PCDH15: variants seen among roughly 807,000 people sequenced by gnomAD.
PCDH15 encodes the protein protocadherin-15.
In PCDH15, 129 loss-of-function variants were observed where a neutral mutation model predicts 178.5. The observed-to-expected ratio is 0.72, with a 90% CI of 0.63 to 0.84. The LOEUF (loss-of-function observed/expected upper bound fraction) is 0.84, where lower values mean the gene tolerates loss of function less well. PCDH15 is among the 40% of genes least tolerant of loss of function. The pLI, the probability that PCDH15 is intolerant of heterozygous loss-of-function variation, is 0.00. For missense variants in PCDH15, 2,230 were observed against 2,099.9 expected, an observed-to-expected ratio of 1.06 and a Z score of -1.21; for synonymous variants, 800 against 732.0, an observed-to-expected ratio of 1.09 and a Z score of -1.50.
At position 53,811,728 on chromosome 10, in the gene PCDH15, A is replaced by G. The variant is rs1033379273; in HGVS notation, c.4492-109T>C. ...CCATGATTCTCAAAACATTCCTGCC[A>G]AAATAACTTTAAATACAAGTGTCAG... On this transcript the variant is annotated intron_variant, in intron 35 of 37. Coordinates refer to ENST00000644397, the MANE Select transcript of PCDH15 (RefSeq NM_001384140.1). The G allele has an allele frequency of 5.1e-6, 3 of 589,436 alleles. No individual in the cohort carries two copies. In the Admixed American group the frequency reaches 1.1e-4, roughly 21 times the overall value. 36.5% of individuals were successfully genotyped at this position (589,436 alleles called of 1,614,324 possible).
At chr10:55,551,124 A>G (rs1589132606) in intron 2 of PCDH15, among the ~76,000 whole-genome samples, 1 of 152,062 alleles carries the variant, frequency 6.6e-6, no homozygotes, top group African/African-American at 2.4e-5. Flanking sequence ...TTGTTAATAC[A>G]TAAGAGAATT....
chr10:55,598,669 A>G (rs529266635), intron 2 of PCDH15, among the ~76,000 whole-genome samples: 1 of 151,160 alleles, frequency 6.6e-6, no homozygotes, highest in African/African-American at 2.4e-5. Flanking sequence ...ACCTTCATGA[A>G]ATCTAAATGT....
intron 3 of PCDH15, among the ~76,000 whole-genome samples, chr10:54,439,722 C>T (rs949075656): frequency 6.0e-5 from 9 of 150,384 alleles, no homozygotes; most frequent in African/African-American, 2.2e-4. Context: ...ATCTTTTTGC[C>T]CAGCAAAAAA....
intron 3 of PCDH15, among the ~76,000 whole-genome samples, chr10:54,843,089 G>T (rs1591735886): frequency 6.6e-6 from 1 of 152,012 alleles, no homozygotes; most frequent in Admixed American, 6.6e-5. Flanking sequence ...ATGTAATACT[G>T]AGAGCATACC....
At chr10:55,020,899 C>T (rs1421897397) in intron 2 of PCDH15, among the ~76,000 whole-genome samples, 2 of 152,178 alleles carry the variant, frequency 1.3e-5, no homozygotes, top group Admixed American at 1.3e-4. Flanking sequence ...TCTGACTGTA[C>T]CCCTTGCCCT....
intron 8 of PCDH15, among the ~76,000 whole-genome samples, chr10:54,290,508 G>A (rs570054088): frequency 1.3e-5 from 2 of 151,992 alleles, no homozygotes; most frequent in Admixed American, 6.6e-5. Flanking sequence ...AATAACCAGC[G>A]AACATCATAA....
chr10:53,969,752 C>T (rs912573714), intron 21 of PCDH15, among the ~76,000 whole-genome samples: 2 of 152,102 alleles, frequency 1.3e-5, no homozygotes, highest in Non-Finnish European at 2.9e-5. Context: ...CATATCCAGC[C>T]AAACTAAGCT....
At chr10:54,716,842 C>T in intron 1 of PCDH15, among the ~76,000 whole-genome samples, 1 of 148,842 alleles carries the variant, frequency 6.7e-6, no homozygotes. Flanking sequence ...AGGCATCACG[C>T]TACCTGACTT....
intron 2 of PCDH15, among the ~76,000 whole-genome samples, chr10:55,159,787 T>G (rs1367394523): frequency 6.8e-6 from 1 of 148,142 alleles, no homozygotes; most frequent in African/African-American, 2.4e-5. Flanking sequence ...TATTAAGAGA[T>G]ATATATAAAG....
chr10:55,596,841 TATG>T (rs1564472793), intron 2 of PCDH15, among the ~76,000 whole-genome samples: 1 of 152,070 alleles, frequency 6.6e-6, no homozygotes, highest in Non-Finnish European at 1.5e-5. Context: ...ATCTTTTAAC[TATG>T]ATAATACAGG....
intron 18 of PCDH15, among the ~76,000 whole-genome samples, chr10:54,061,192 C>T (rs2094006084): frequency 6.6e-6 from 1 of 152,102 alleles, no homozygotes; most frequent in Admixed American, 6.5e-5. Context: ...AGTATGAGGC[C>T]TCTAGTAAGA....
chr10:55,134,391 A>C (rs1304571214), intron 2 of PCDH15, among the ~76,000 whole-genome samples: 1 of 152,186 alleles, frequency 6.6e-6, no homozygotes, highest in African/African-American at 2.4e-5. Context: ...TTCAGATCCC[A>C]CATAGCCTCA....
intron 8 of PCDH15, among the ~76,000 whole-genome samples, chr10:54,237,242 T>C (rs917862104): frequency 6.6e-6 from 1 of 152,222 alleles, no homozygotes; most frequent in South Asian, 2.1e-4. Context: ...ACAAAAGAAA[T>C]AGCAGCCTAT....
In PCDH15 at chr10:53,995,749, G is replaced by A. The variant is rs191577774; in HGVS notation, c.2768C>T (p.Pro923Leu). 339 of 1,613,586 alleles carry A rather than the reference G, an allele frequency of 2.1e-4. 5 individuals carry two copies. The East Asian group carries it at 7.4e-3, about 35-fold the overall frequency. ...GTATATTCGTTTACTAAAGACAGGA[G>A]GATAATCATTCATATCCTGTAAAAC... The part of the protein sequence containing the change: ...TVIVKDMNDY[P>L]PVFSKRIYKG... Residue 923 changes from proline (P) to leucine (L), a missense_variant, in exon 21 of 38, where the codon CCT (proline) becomes CTT (leucine). By Grantham distance (98) the Pro-to-Leu change is moderately conservative (BLOSUM62 -3). Transcript: ENST00000644397.
chr10:53,920,255 A>G (rs1437094696), intron 25 of PCDH15, among the ~76,000 whole-genome samples: 1 of 152,048 alleles, frequency 6.6e-6, no homozygotes, highest in African/African-American at 2.4e-5. Context: ...GTATATGTTT[A>G]TAATCACCAT....
intron 3 of PCDH15, among the ~76,000 whole-genome samples, chr10:54,852,943 A>C (rs1170414756): frequency 2.0e-5 from 3 of 151,524 alleles, no homozygotes; most frequent in Non-Finnish European, 4.4e-5. Context: ...CAGATACATA[A>C]AAATCTTAAA....
At chr10:55,304,890 T>C (rs928959498) in intron 1 of PCDH15, among the ~76,000 whole-genome samples, 12 of 152,232 alleles carry the variant, frequency 7.9e-5, no homozygotes, top group Non-Finnish European at 1.2e-4. Flanking sequence ...AGAAAACTAA[T>C]ATCAATTCTA....
intron 20 of PCDH15, among the ~76,000 whole-genome samples, chr10:54,013,258 A>C (rs547651402): frequency 1.6e-4 from 24 of 152,312 alleles, no homozygotes; most frequent in African/African-American, 5.1e-4. Context: ...CAGATTCATA[A>C]AGCAAGTTCT....
chr10:55,065,530 C>A (rs1841541223), intron 2 of PCDH15, among the ~76,000 whole-genome samples: 1 of 152,006 alleles, frequency 6.6e-6, no homozygotes, highest in Non-Finnish European at 1.5e-5. Context: ...CTTAAATAGT[C>A]TTGTATGTAT....
Sources: gnomAD v4.1 joint callset for allele counts (sites outside exome capture counted in the v4.1 genomes callset) on GRCh38, gnomAD v4.1.1 for gene constraint, MANE v1.5 for transcripts, NCBI Gene and HGNC (gene_info 2026-07-23, HGNC 2026-07-21) for gene names.